Variants in CERT1 observed in about 807,000 individuals in gnomAD.
The protein encoded by CERT1 is ceramide transporter 1, also known as ceramide transfer protein.
A neutral mutation model predicts 87.9 loss-of-function variants in CERT1; 31 were observed. That is an observed-to-expected ratio of 0.35 (90% CI 0.27 to 0.48). CERT1 has a LOEUF of 0.48. Ranked by LOEUF, CERT1 falls within the 20% of genes least tolerant of loss-of-function variation. CERT1 has a pLI of 0.99. For missense variants in CERT1, 487 were observed against 758.0 expected, an observed-to-expected ratio of 0.64 and a Z score of 4.20; for synonymous variants, 289 against 250.9, an observed-to-expected ratio of 1.15 and a Z score of -1.44.
rs543285923 is a variant in CERT1 at position 75,478,969 on chromosome 5, A to G, written c.232-19788T>C. Among the ~76,000 whole-genome samples, 4 of 151,432 alleles carry G rather than the reference A, an allele frequency of 2.6e-5. No homozygotes were observed. The East Asian group carries it at 7.7e-4, about 29-fold the overall frequency. ...CACGCGTTTGTCAAAAGGACCAAGA[A>G]ATCAGCTCGAAGGTGCTTCTATTAG... On this transcript the variant is annotated intron_variant, in intron 2 of 16. Transcript: ENST00000643780.
At chr5:75,476,105 C>CT (rs1765940628) in intron 2 of CERT1, among the ~76,000 whole-genome samples, 1 of 152,106 alleles carries the variant, frequency 6.6e-6, no homozygotes, top group African/African-American at 2.4e-5. Context: ...ACATCTGTCT[C>CT]TATCAATTCA....
downstream of CERT1, chr5:75,376,362 C>T (rs756809543): frequency 1.3e-5 from 2 of 152,020 alleles, no homozygotes; most frequent in African/African-American, 2.4e-5. Flanking sequence ...AGAGGGAGGC[C>T]GTTTCAGTGA....
At chr5:75,401,924 G>GC (rs910585174) in intron 9 of CERT1, 1 of 152,110 alleles carries the variant, frequency 6.6e-6, no homozygotes, top group Non-Finnish European at 1.5e-5. Flanking sequence ...ATTAATACTT[G>GC]CCCCCCAAAA....
intron 2 of CERT1, among the ~76,000 whole-genome samples, chr5:75,501,595 G>A (rs574447546): frequency 6.6e-6 from 1 of 152,278 alleles, no homozygotes; most frequent in East Asian, 1.9e-4. Context: ...AGCAGTTTAA[G>A]GAACTGGTTG....
rs759047629 is a variant in CERT1, at chr5:75,416,857, GA to G, written c.837+18del. The G allele has an allele frequency of 2.6e-6, 4 of 1,562,528 alleles. No homozygotes were observed. Among genetic ancestry groups the G allele is most frequent in the Middle Eastern group, 1.7e-4 (1 of 5,848 alleles). The stretch of plus-strand genomic sequence containing the variant: ...ACTTAAATGTGATTATTTTTAAAAG[GA>G]AAAAAACCTAGTCTTACCTTATCCA... On this transcript the variant is annotated intron_variant, in intron 7 of 16. Transcript: ENST00000643780.
intron 2 of CERT1, among the ~76,000 whole-genome samples, chr5:75,466,535 G>A: frequency 6.6e-6 from 1 of 152,198 alleles, no homozygotes; most frequent in East Asian, 1.9e-4. Context: ...TTAAGCTTCT[G>A]AGATAACAAG....
chr5:75,382,745 C>T (rs548311839), intron 14 of CERT1, among the ~76,000 whole-genome samples: 31 of 151,636 alleles, frequency 2.0e-4, no homozygotes, highest in African/African-American at 7.0e-4. Context: ...TATGCAGCGT[C>T]ATTCCTGATT....
At chr5:75,427,847 G>C (rs1318611132) in intron 3 of CERT1, among the ~76,000 whole-genome samples, 1 of 151,774 alleles carries the variant, frequency 6.6e-6, no homozygotes, top group Non-Finnish European at 1.5e-5. Context: ...TGAAAACAAA[G>C]GAACAAAAAG....
chr5:75,422,699 G>A (rs952512738), intron 5 of CERT1, among the ~76,000 whole-genome samples: 3 of 152,192 alleles, frequency 2.0e-5, no homozygotes, highest in African/African-American at 7.2e-5. Flanking sequence ...GGGCTGAATT[G>A]TGTCTCAGAA....
intron 17 of CERT1, chr5:75,369,711 GCCTGGGTGACAGGAAAAT>G (rs1442158447): frequency 6.6e-6 from 1 of 152,216 alleles, no homozygotes; most frequent in Non-Finnish European, 1.5e-5. Flanking sequence ...CAACCACAGA[GCCTGGGTGACAGGAAAAT>G]CCTGGTTTGG....
At chr5:75,438,500 A>C (rs947936034) in intron 3 of CERT1, among the ~76,000 whole-genome samples, 2 of 152,178 alleles carry the variant, frequency 1.3e-5, no homozygotes, top group African/African-American at 4.8e-5. Flanking sequence ...TCAAAATCCC[A>C]GTGGCACCAG....
rs1037860842 is a variant in CERT1, at chr5:75,389,578, T to C, written c.1284+14A>G. ...GACGCCTTTGGCAATCTATAACATT[T>C]CAGGGGGAATTACCTTCATTTCTCC... On this transcript the variant is annotated intron_variant, in intron 12 of 16. Coordinates refer to ENST00000643780, the MANE Select transcript of CERT1 (RefSeq NM_001379029.1). 1 of 1,604,100 alleles carries C rather than the reference T, an allele frequency of 6.2e-7. No individual in the cohort carries two copies. The highest frequency in any genetic ancestry group is 8.5e-7 in the Non-Finnish European group (1 of 1,170,876).
At chr5:75,465,545 T>G (rs886430076) in intron 2 of CERT1, among the ~76,000 whole-genome samples, 3 of 152,216 alleles carry the variant, frequency 2.0e-5, no homozygotes, top group Non-Finnish European at 4.4e-5. Flanking sequence ...AGAAAAGGAA[T>G]TCATTTAGAA....
chr5:75,429,454 C>T (rs139572919), intron 3 of CERT1, among the ~76,000 whole-genome samples: 2,388 of 152,174 alleles, frequency 0.016, 55 homozygotes, highest in African/African-American at 0.05. Context: ...CCACCTGCCT[C>T]GGCTTCCCAA....
intron 2 of CERT1, among the ~76,000 whole-genome samples, chr5:75,463,620 A>C (rs1288077440): frequency 1.3e-5 from 2 of 152,218 alleles, no homozygotes; most frequent in African/African-American, 4.8e-5. Flanking sequence ...GAATGTGGTA[A>C]ATGACTTAAC....
chr5:75,389,809 A>C, intron 11 of CERT1, 122 bp from the exon 12 acceptor site: 1 of 694,048 alleles, frequency 1.4e-6, no homozygotes, highest in Non-Finnish European at 2.6e-6. Context: ...AACCAAATGC[A>C]CAAAGGTTAG....
rs548859287 is a variant in CERT1, at chr5:75,393,740, C to T, written c.1189-4053G>A. On this transcript the variant is annotated intron_variant, in intron 11 of 16. Transcript: ENST00000643780. The stretch of plus-strand genomic sequence containing the variant: ...CAGCATTTTGGGAGGCTGAGGCACG[C>T]GGACCACGAGGTCAAGAGATAGAGA... Among the ~76,000 whole-genome samples the T allele has an allele frequency of 2.3e-4, 35 of 151,018 alleles. No homozygotes were observed. In the East Asian group the frequency reaches 3.8e-3, roughly 16 times the overall value.
intron 1 of CERT1, 42 bp downstream of exon 1, chr5:75,511,070 G>A (rs748030025): frequency 6.7e-7 from 1 of 1,497,130 alleles, no homozygotes; most frequent in Non-Finnish European, 8.9e-7. Context: ...CTCGCTGCAG[G>A]TGAGTCTGGC....
intron 3 of CERT1, among the ~76,000 whole-genome samples, chr5:75,453,874 T>A (rs1412328056): frequency 6.6e-6 from 1 of 152,142 alleles, no homozygotes; most frequent in Non-Finnish European, 1.5e-5. Flanking sequence ...AATGTGCATG[T>A]GTGAAACAGA....
Sources: allele counts gnomAD v4.1 joint callset (sites outside exome capture counted in the v4.1 genomes callset), GRCh38; gene constraint gnomAD v4.1.1; transcripts MANE v1.5; gene names NCBI Gene and HGNC (gene_info 2026-07-23, HGNC 2026-07-21).